PCDHGA1: variants seen among roughly 807,000 people sequenced by gnomAD.
PCDHGA1 encodes the protein protocadherin gamma-A1.
A neutral mutation model predicts 58.0 loss-of-function variants in PCDHGA1; 32 were observed. The observed-to-expected ratio is 0.55, with a 90% confidence interval of 0.42 to 0.74. The LOEUF (loss-of-function observed/expected upper bound fraction) is 0.74. Ranked by LOEUF, PCDHGA1 falls within the 30% of genes least tolerant of loss-of-function variation. The pLI is 0.00. For synonymous variants in PCDHGA1, 498 were observed against 501.1 expected (o/e 0.99, Z 0.08); for missense variants, 1,205 against 1,182.3 (o/e 1.02, Z -0.28).
Position 141,431,241 on chromosome 5 carries a change from A to T in PCDHGA1, c.2422-63566A>T. On this transcript the variant is annotated intron_variant, in intron 1 of 3. Coordinates refer to ENST00000517417, the MANE Select transcript of PCDHGA1 (RefSeq NM_018912.3). This position sits in a 1 kb window ranked among gnomAD's most constrained non-coding sequence, Gnocchi z 4.8. ...CCTCTACCCCACGCCTGGGATCCGG[A>T]TATCGGGAAGAACTCTCTGCAGAGC... The T allele has an allele frequency of 6.2e-7, 1 of 1,614,138 alleles. No individual in the cohort carries two copies. The highest frequency in any genetic ancestry group is 8.5e-7 in the Non-Finnish European group (1 of 1,180,046).
chr5:141,465,125 G>A (rs1003967387), intron 1 of PCDHGA1, among the ~76,000 whole-genome samples: 1 of 151,194 alleles, frequency 6.6e-6, no homozygotes, highest in Non-Finnish European at 1.5e-5. Context: ...GCCTAAATTT[G>A]TAAAAAGTTT....
At chr5:141,370,823 C>T (rs764531085) in intron 1 of PCDHGA1, 167 of 1,613,906 alleles carry the variant, frequency 1.0e-4, no homozygotes, top group Non-Finnish European at 1.2e-4. Flanking sequence ...TGGAAATCAG[C>T]GAACTGGCTC....
At chr5:141,509,872 G>A (rs968745661) in intron 3 of PCDHGA1, among the ~76,000 whole-genome samples, 1 of 152,166 alleles carries the variant, frequency 6.6e-6, no homozygotes, top group Non-Finnish European at 1.5e-5. Context: ...CCAAGCTGCT[G>A]GTGGTGATGG....
intron 1 of PCDHGA1, chr5:141,352,701 A>G (rs1213639147): frequency 6.5e-7 from 1 of 1,549,094 alleles, no homozygotes; most frequent in South Asian, 1.2e-5. Flanking sequence ...TAAATTTTAT[A>G]TATGGCGGCC....
intron 1 of PCDHGA1, among the ~76,000 whole-genome samples, chr5:141,494,030 A>G (rs1165393646): frequency 6.6e-6 from 1 of 151,978 alleles, no homozygotes; most frequent in Non-Finnish European, 1.5e-5. Context: ...AGCCCTGGAG[A>G]CTTAGTTGGC....
chr5:141,389,078 C>T, intron 1 of PCDHGA1: 1 of 1,614,002 alleles, frequency 6.2e-7, no homozygotes, highest in Non-Finnish European at 8.5e-7. Flanking sequence ...CTTCAAGAAA[C>T]ACGTATAAAT....
At chr5:141,433,732 G>A (rs1181042854) in intron 1 of PCDHGA1, among the ~76,000 whole-genome samples, 2 of 151,886 alleles carry the variant, frequency 1.3e-5, no homozygotes, top group Non-Finnish European at 2.9e-5. Flanking sequence ...AGCTACTTGG[G>A]AGGCTGAGTC....
At position 141,339,538 on chromosome 5, in the gene PCDHGA1, C is replaced by G. The variant is rs1416119885; in HGVS notation, c.2421+6433C>G. 3.1e-6 allele frequency: 5 copies of G among 1,614,056 alleles called. No homozygotes were observed. The African/African-American group carries it at 6.7e-5, about 22-fold the overall frequency. On this transcript the variant is annotated intron_variant, in intron 1 of 3. Coordinates refer to ENST00000517417, the MANE Select transcript of PCDHGA1 (RefSeq NM_018912.3). ...ACGTGCGAAGGGGAGCTGATGGGAACAAGTACCCAGAACTGGTGCTGGAGC... is the reference window on the plus strand; with the variant it reads ...ACGTGCGAAGGGGAGCTGATGGGAAGAAGTACCCAGAACTGGTGCTGGAGC...
intron 1 of PCDHGA1, among the ~76,000 whole-genome samples, chr5:141,401,282 C>G (rs963741934): frequency 4.0e-5 from 6 of 151,884 alleles, no homozygotes; most frequent in African/African-American, 1.5e-4. Context: ...GTGGAGGTTG[C>G]GGTGAGCCGA....
chr5:141,466,947 A>C (rs2099132734), intron 1 of PCDHGA1, among the ~76,000 whole-genome samples: 1 of 152,126 alleles, frequency 6.6e-6, no homozygotes, highest in South Asian at 2.1e-4. Context: ...TGTCCAGTAA[A>C]CAGACTGCAA....
intron 1 of PCDHGA1, chr5:141,413,818 G>T: frequency 6.2e-7 from 1 of 1,613,138 alleles, no homozygotes; most frequent in Non-Finnish European, 8.5e-7. Context: ...TCACCACCTG[G>T]TCCTCACCGC....
At chr5:141,372,454 A>C in intron 1 of PCDHGA1, 1 of 1,613,990 alleles carries the variant, frequency 6.2e-7, no homozygotes. Context: ...CCTCAGGCGG[A>C]GCTACAGTTT....
intron 1 of PCDHGA1, chr5:141,423,757 G>A: frequency 5.1e-6 from 2 of 395,134 alleles, no homozygotes; most frequent in Non-Finnish European, 7.1e-6. Flanking sequence ...GTTTGGGGGG[G>A]GGGTGGGGCG....
chr5:141,414,855 C>T (rs2095795912), intron 1 of PCDHGA1: 3 of 1,614,236 alleles, frequency 1.9e-6, no homozygotes, highest in Non-Finnish European at 2.5e-6. Flanking sequence ...TGGACCAGAA[C>T]GACAATGCGC....
chr5:141,362,025 T>A (rs1199168452), intron 1 of PCDHGA1: 3 of 1,608,318 alleles, frequency 1.9e-6, no homozygotes, highest in Admixed American at 3.3e-5. Flanking sequence ...GCACAGCGCG[T>A]GCCTTGGGCG....
intron 2 of PCDHGA1, among the ~76,000 whole-genome samples, chr5:141,499,612 C>T (rs1489412444): frequency 6.6e-6 from 1 of 151,968 alleles, no homozygotes; most frequent in African/African-American, 2.4e-5. Context: ...TACCCTTATC[C>T]TGTCCTTGGA....
At chr5:141,407,563 A>T (rs1483622352) in intron 1 of PCDHGA1, among the ~76,000 whole-genome samples, 1 of 152,032 alleles carries the variant, frequency 6.6e-6, no homozygotes, top group Non-Finnish European at 1.5e-5. Context: ...ACATAAGCTG[A>T]AAGATAAAAT....
At chr5:141,371,067 A>G (rs763857858) in intron 1 of PCDHGA1, 8 of 1,613,868 alleles carry the variant, frequency 5.0e-6, no homozygotes, top group Non-Finnish European at 6.8e-6. Flanking sequence ...CAGAAGCTGT[A>G]CCACCCAGAT....
intron 1 of PCDHGA1, among the ~76,000 whole-genome samples, chr5:141,435,783 G>A (rs1273339025): frequency 6.6e-6 from 1 of 152,124 alleles, no homozygotes; most frequent in Non-Finnish European, 1.5e-5. Context: ...TAAAGGTGCA[G>A]GGAAACATAA....
Sources: allele counts gnomAD v4.1 joint callset (sites outside exome capture counted in the v4.1 genomes callset), GRCh38; gene constraint gnomAD v4.1.1; non-coding constraint Gnocchi (gnomAD v3.1); transcripts MANE v1.5; gene names NCBI Gene and HGNC (gene_info 2026-07-23, HGNC 2026-07-21).